The following MAN1C1 variants were observed in gnomAD, a reference collection of about 807,000 sequenced individuals.
The protein encoded by MAN1C1 is mannosyl-oligosaccharide 1,2-alpha-mannosidase IC.
Under a neutral mutation model 71.5 loss-of-function variants are expected in MAN1C1, and 49 were observed. That is an observed-to-expected ratio of 0.69 (90% confidence interval 0.54 to 0.87). MAN1C1 has a LOEUF of 0.87. Ranked by LOEUF, MAN1C1 falls within the 40% of genes least tolerant of loss-of-function variation. The pLI is 0.00. For synonymous variants in MAN1C1, 352 were observed against 343.7 expected (o/e 1.02, Z -0.27); for missense variants, 743 against 835.0 (o/e 0.89, Z 1.36).
chr1:25,617,136 C>T lies in MAN1C1; in HGVS notation c.-662C>T, dbSNP rs566386925. Among the ~76,000 whole-genome samples, 1 of 151,866 alleles carries T rather than the reference C, an allele frequency of 6.6e-6. No individual in the cohort carries two copies. Among genetic ancestry groups the T allele is most frequent in the Admixed American group, 6.5e-5 (1 of 15,290 alleles). ...CCCTGCCCCCGCAGGCTCGGAAGTG[C>T]CTGCTCCTGCTCCCTGGCCACTCCG... On this transcript the variant is annotated 5_prime_UTR_variant, in exon 1 of 12. Transcript: ENST00000374332. The surrounding 1 kb of genome is among the most constrained non-coding windows in gnomAD (Gnocchi z 5.1).
At chr1:25,674,191 C>T (rs953337856) in intron 1 of MAN1C1, among the ~76,000 whole-genome samples, 1 of 152,204 alleles carries the variant, frequency 6.6e-6, no homozygotes, top group Non-Finnish European at 1.5e-5. Context: ...GCTGTTGTGG[C>T]CTCACAATTG....
chr1:25,704,374 C>T (rs934509376), intron 2 of MAN1C1, among the ~76,000 whole-genome samples: 1 of 152,160 alleles, frequency 6.6e-6, no homozygotes, highest in East Asian at 1.9e-4. Flanking sequence ...AATGGGCGGC[C>T]GACAGAACCA....
At chr1:25,687,325 C>G (rs984875704) in intron 2 of MAN1C1, among the ~76,000 whole-genome samples, 5 of 152,174 alleles carry the variant, frequency 3.3e-5, no homozygotes, top group African/African-American at 1.2e-4. Flanking sequence ...GGGAGTCTCT[C>G]TCTGTGGCTC....
chr1:25,657,265 G>T (rs1171604796), intron 1 of MAN1C1, among the ~76,000 whole-genome samples: 1 of 152,216 alleles, frequency 6.6e-6, no homozygotes, highest in Non-Finnish European at 1.5e-5. Context: ...AGGAGTAAAG[G>T]AGCTTTCAGA....
chr1:25,654,855 C>A (rs986062763), intron 1 of MAN1C1, among the ~76,000 whole-genome samples: 1 of 152,054 alleles, frequency 6.6e-6, no homozygotes, highest in Non-Finnish European at 1.5e-5. Flanking sequence ...CCATGTTGGC[C>A]GGGATGGTCT....
At chr1:25,679,814 C>T (rs998867273) in intron 1 of MAN1C1, among the ~76,000 whole-genome samples, 10 of 151,168 alleles carry the variant, frequency 6.6e-5, no homozygotes, top group Non-Finnish European at 1.5e-4. Flanking sequence ...ATGTCCTCTA[C>T]CCTTAAATAC....
At chr1:25,714,053 G>A (rs886809271) in intron 2 of MAN1C1, among the ~76,000 whole-genome samples, 13 of 152,222 alleles carry the variant, frequency 8.5e-5, no homozygotes, top group South Asian at 2.1e-4. Context: ...AAAATGCAGC[G>A]TAGCAGAGAG....
chr1:25,687,978 G>A (rs539325419), intron 2 of MAN1C1, among the ~76,000 whole-genome samples: 3 of 151,032 alleles, frequency 2.0e-5, no homozygotes, highest in African/African-American at 4.9e-5. Context: ...ATGTTATATC[G>A]TGTTTCCCGA....
chr1:25,698,329 C>T (rs1388373906), intron 2 of MAN1C1, among the ~76,000 whole-genome samples: 1 of 152,188 alleles, frequency 6.6e-6, no homozygotes, highest in Non-Finnish European at 1.5e-5. Flanking sequence ...ACCACTAACT[C>T]ACTGGGCAGG....
intron 2 of MAN1C1, among the ~76,000 whole-genome samples, chr1:25,738,383 C>T (rs1028403866): frequency 1.3e-5 from 2 of 152,166 alleles, no homozygotes; most frequent in Admixed American, 6.5e-5. Context: ...TGGTTTTAAA[C>T]AATAAACTTT....
rs141281248 is a variant in MAN1C1 at position 25,647,374 on chromosome 1, G to T, written c.540+29037G>T. Reference sequence around the variant, plus strand: ...GCAAGGTGTTTGACCCTAGGGCTGGGATAATGGCAGAGTGTGGGCTCGCCC... The same window carrying T: ...GCAAGGTGTTTGACCCTAGGGCTGGTATAATGGCAGAGTGTGGGCTCGCCC... On this transcript the variant is annotated intron_variant, in intron 1 of 11. Coordinates refer to ENST00000374332, the MANE Select transcript of MAN1C1 (RefSeq NM_020379.4). Among the ~76,000 whole-genome samples, 526 of 152,264 alleles carry T rather than the reference G, an allele frequency of 3.5e-3. 3 individuals carry two copies. The highest frequency in any genetic ancestry group is 0.012 in the African/African-American group (510 of 41,538).
chr1:25,618,982 A>T lies in MAN1C1; in HGVS notation c.540+645A>T, dbSNP rs182731674. Reference sequence around the variant, plus strand: ...AGGAAGAGATGATAAAGCAGTGGTCATATTACAGAAGCTCCGAGGTTATTG... The same window carrying T: ...AGGAAGAGATGATAAAGCAGTGGTCTTATTACAGAAGCTCCGAGGTTATTG... On this transcript the variant is annotated intron_variant, in intron 1 of 11. Transcript: ENST00000374332. Among the ~76,000 whole-genome samples, 304 of 152,356 alleles carry T rather than the reference A, an allele frequency of 2.0e-3. 1 individual carries two copies. The highest frequency in any genetic ancestry group is 2.7e-3 in the Non-Finnish European group (184 of 68,034).
In MAN1C1 at chr1:25,725,193, G is replaced by C. The variant is rs2046816228; in HGVS notation, c.638-21475G>C. On this transcript the variant is annotated intron_variant, in intron 2 of 11. Coordinates refer to ENST00000374332, the MANE Select transcript of MAN1C1 (RefSeq NM_020379.4). The surrounding 1 kb of genome is among the most constrained non-coding windows in gnomAD (Gnocchi z 4.8). ...GCTCAGTTTGCTCCTCTTGTGACTG[G>C]AGAGGGAAGGCCCAGCAGGAGGTGG... Among the ~76,000 whole-genome samples, 1 of 152,188 alleles carries C rather than the reference G, an allele frequency of 6.6e-6. No individual in the cohort carries two copies. The highest frequency in any genetic ancestry group is 2.1e-4 in the South Asian group (1 of 4,834).
intron 1 of MAN1C1, among the ~76,000 whole-genome samples, chr1:25,619,140 T>G (rs567784989): frequency 1.3e-5 from 2 of 152,306 alleles, no homozygotes; most frequent in East Asian, 3.9e-4. Flanking sequence ...TTGAAGACAG[T>G]TGCCAGCTTG....
intron 4 of MAN1C1, among the ~76,000 whole-genome samples, chr1:25,750,422 C>T (rs2047198516): frequency 8.5e-6 from 1 of 117,378 alleles, no homozygotes; most frequent in Non-Finnish European, 2.0e-5. Context: ...CGCCCCCCTG[C>T]TCTGACCACC....
chr1:25,658,315 G>C (rs947429140), intron 1 of MAN1C1, among the ~76,000 whole-genome samples: 2 of 152,162 alleles, frequency 1.3e-5, no homozygotes, highest in Non-Finnish European at 2.9e-5. Context: ...TGAATCTAGA[G>C]TGAAGCCCTT....
intron 2 of MAN1C1, among the ~76,000 whole-genome samples, chr1:25,723,458 T>C (rs1465319189): frequency 6.6e-6 from 1 of 152,244 alleles, no homozygotes; most frequent in Non-Finnish European, 1.5e-5. Flanking sequence ...TCATCATGGC[T>C]TAGGGTTCGG....
chr1:25,768,523 C>T (rs1186328024), intron 7 of MAN1C1, among the ~76,000 whole-genome samples: 4 of 118,834 alleles, frequency 3.4e-5, no homozygotes, highest in Non-Finnish European at 7.2e-5. Context: ...CCCTCACATA[C>T]ATCCACACTC....
At chr1:25,659,998 G>C (rs538224705) in intron 1 of MAN1C1, among the ~76,000 whole-genome samples, 1 of 152,186 alleles carries the variant, frequency 6.6e-6, no homozygotes, top group South Asian at 2.1e-4. Context: ...GAATATTTCT[G>C]TTTGCCACAG....
Sources: allele counts gnomAD v4.1 joint callset (sites outside exome capture counted in the v4.1 genomes callset), GRCh38; gene constraint gnomAD v4.1.1; non-coding constraint Gnocchi (gnomAD v3.1); transcripts MANE v1.5; gene names NCBI Gene and HGNC (gene_info 2026-07-23, HGNC 2026-07-21).